The following PUDP variants were observed in gnomAD, a reference collection of about 807,000 sequenced individuals.
The protein encoded by PUDP is pseudouridine-5'-phosphatase.
PUDP carries 8 observed loss-of-function variants against 9.4 expected under a neutral mutation model. That is an observed-to-expected ratio of 0.85 (90% CI 0.50 to 1.53). The LOEUF is 1.53. Ranked by LOEUF, PUDP falls within the 40% of genes most tolerant of loss-of-function variation. The pLI is 0.00. For synonymous variants in PUDP, 99 were observed against 80.7 expected (o/e 1.23, Z -1.22); for missense variants, 188 against 189.7 (o/e 0.99, Z 0.05).
chrX:7,120,337 G>A (rs1200637548), intron 1 of PUDP, among the ~76,000 whole-genome samples: 3 of 110,868 alleles, frequency 2.7e-5, no homozygotes, highest in Non-Finnish European at 3.8e-5. Context: ...GAGGGAGAGA[G>A]AGAAGGTATG....
chrX:6,745,563 T>G (rs1924990178), intron 3 of PUDP, among the ~76,000 whole-genome samples: 1 of 112,211 alleles, frequency 8.9e-6, no homozygotes, highest in African/African-American at 3.2e-5. Flanking sequence ...AGGATCCTCT[T>G]TTCTGGAAGT....
At chrX:6,883,710 AATT>A (rs1470083306) in intron 3 of PUDP, among the ~76,000 whole-genome samples, 1 of 111,136 alleles carries the variant, frequency 9.0e-6, no homozygotes, top group Non-Finnish European at 1.9e-5. Flanking sequence ...ATCTCATAAT[AATT>A]ATTATGTTTT....
chrX:7,118,979 C>T (rs774638492), intron 1 of PUDP, among the ~76,000 whole-genome samples: 2 of 101,317 alleles, frequency 2.0e-5, no homozygotes, highest in Non-Finnish European at 4.4e-5. Context: ...GAAACAAATA[C>T]TGACAAAGAG....
intron 1 of PUDP, among the ~76,000 whole-genome samples, chrX:7,027,783 CTA>C (rs1386107843): frequency 3.7e-5 from 3 of 80,175 alleles, no homozygotes; most frequent in African/African-American, 9.3e-5. Flanking sequence ...TATATATAGA[CTA>C]TATATATAGA....
intron 1 of PUDP, among the ~76,000 whole-genome samples, chrX:7,114,735 C>T (rs1932149840): frequency 8.9e-6 from 1 of 112,091 alleles, no homozygotes; most frequent in South Asian, 3.7e-4. Flanking sequence ...TCATGTAAGA[C>T]TTGTGCTCTA....
chrX:7,070,486 G>C (rs1333092951), intron 3 of PUDP, among the ~76,000 whole-genome samples: 1 of 111,234 alleles, frequency 9.0e-6, no homozygotes, highest in African/African-American at 3.3e-5. Flanking sequence ...GGCTGTGCCC[G>C]TAACTCAGTG....
chrX:7,131,497 C>T (rs1445027650), intron 1 of PUDP, among the ~76,000 whole-genome samples: 5 of 109,884 alleles, frequency 4.6e-5, no homozygotes, highest in African/African-American at 6.6e-5. Flanking sequence ...GAGAAGGCCA[C>T]GTGGAGAGAA....
At chrX:6,868,312 C>T (rs773211696) in intron 3 of PUDP, among the ~76,000 whole-genome samples, 1 of 112,280 alleles carries the variant, frequency 8.9e-6, no homozygotes, top group Non-Finnish European at 1.9e-5. Context: ...GACACAGTGA[C>T]ATTTAAGCCA....
At position 6,809,604 on chromosome X, in the gene PUDP, C is replaced by T. The variant is rs769815411; in HGVS notation, c.*248-103138G>A. ...GAGCCACAGCACCAAGCCCTATATGCCTTTTTAAAATATACCAAATGTAAT... is the reference window on the plus strand; with the variant it reads ...GAGCCACAGCACCAAGCCCTATATGTCTTTTTAAAATATACCAAATGTAAT... On this transcript the variant is annotated intron_variant and NMD_transcript_variant, in intron 3 of 3. Coordinates refer to the PUDP transcript ENST00000655425. Among the ~76,000 whole-genome samples, 9 of 110,702 alleles carry T rather than the reference C, an allele frequency of 8.1e-5. No homozygotes were observed. In the South Asian group the frequency reaches 3.5e-3, roughly 43 times the overall value.
At chrX:6,842,799 G>A (rs947804914) in intron 3 of PUDP, among the ~76,000 whole-genome samples, 2 of 112,141 alleles carry the variant, frequency 1.8e-5, no homozygotes, top group Admixed American at 9.4e-5. Context: ...ACTATCTGCT[G>A]GTTACAGCTT....
intron 3 of PUDP, among the ~76,000 whole-genome samples, chrX:6,906,431 G>A (rs1351982806): frequency 8.9e-6 from 1 of 112,322 alleles, no homozygotes; most frequent in Non-Finnish European, 1.9e-5. Context: ...CCCCAACCGT[G>A]TTTGCACTGA....
intron 1 of PUDP, among the ~76,000 whole-genome samples, chrX:7,010,760 T>C (rs185480932): frequency 6.3e-5 from 7 of 111,830 alleles, no homozygotes; most frequent in Middle Eastern, 4.6e-3. Flanking sequence ...CCCAGGCTCA[T>C]TGAACATGCA....
At chrX:6,773,997 G>A (rs1925409878) in intron 3 of PUDP, among the ~76,000 whole-genome samples, 1 of 111,147 alleles carries the variant, frequency 9.0e-6, no homozygotes, top group African/African-American at 3.3e-5. Context: ...AAATTAGCCG[G>A]ATGTGGTGGT....
At position 6,947,585 on chromosome X, in the gene PUDP, G is replaced by A. The variant is rs140852262; in HGVS notation, c.*247+29548C>T. On this transcript the variant is annotated intron_variant and NMD_transcript_variant, in intron 3 of 3. Transcript: ENST00000655425. ...AGGCAGGAGGATTCCTTGAGGCTAG[G>A]AATTCAAGACCAGCTGGGCAACATA... Among the ~76,000 whole-genome samples the A allele has an allele frequency of 3.3e-3, 369 of 111,517 alleles. 5 individuals carry two copies. In the Middle Eastern group the frequency reaches 0.056, roughly 17 times the overall value.
intron 3 of PUDP, among the ~76,000 whole-genome samples, chrX:6,959,926 C>A (rs951542630): frequency 8.9e-6 from 1 of 112,735 alleles, no homozygotes; most frequent in Admixed American, 9.3e-5. Context: ...CTGTTCTTTA[C>A]AAATACCTAT....
chrX:7,143,078 A>G, intron 1 of PUDP, among the ~76,000 whole-genome samples: 1 of 111,747 alleles, frequency 8.9e-6, no homozygotes, highest in South Asian at 3.8e-4. Context: ...AGTCAATATC[A>G]AGACAACACC....
chrX:6,750,795 A>G (rs774142591), intron 3 of PUDP, among the ~76,000 whole-genome samples: 1 of 111,876 alleles, frequency 8.9e-6, no homozygotes, highest in East Asian at 2.8e-4. Flanking sequence ...TACAAAGATG[A>G]TCTCTGAACA....
chrX:7,113,487 C>T (rs1932109238), intron 1 of PUDP: 1 of 112,455 alleles, frequency 8.9e-6, no homozygotes, highest in African/African-American at 3.2e-5. Context: ...CTTCACAAGG[C>T]CTTAGCTTCC....
At chrX:6,744,408 A>T (rs1360788076) in intron 3 of PUDP, among the ~76,000 whole-genome samples, 3 of 111,739 alleles carry the variant, frequency 2.7e-5, no homozygotes, top group African/African-American at 9.8e-5. Context: ...GGATTCAAAG[A>T]TAGAAGAAGT....
Sources: allele counts gnomAD v4.1 joint callset (sites outside exome capture counted in the v4.1 genomes callset), GRCh38; gene constraint gnomAD v4.1.1; transcripts MANE v1.5; gene names NCBI Gene and HGNC (gene_info 2026-07-23, HGNC 2026-07-21).